SENP1: variants seen among roughly 807,000 people sequenced by gnomAD.
SENP1 encodes SUMO specific peptidase 1.
A neutral mutation model predicts 93.0 loss-of-function variants in SENP1; 21 were observed. That is an observed-to-expected ratio of 0.23 (90% CI 0.16 to 0.33). The LOEUF (loss-of-function observed/expected upper bound fraction) is 0.33, where lower values mean the gene tolerates loss of function less well. Ranked by LOEUF, SENP1 falls within the 10% of genes least tolerant of loss-of-function variation. The pLI, the probability that SENP1 is intolerant of heterozygous loss-of-function variation, is 1.00. For synonymous variants in SENP1, 256 were observed against 259.6 expected (o/e 0.99, Z 0.13); for missense variants, 591 against 758.7 (o/e 0.78, Z 2.60).
intron 4 of SENP1, among the ~76,000 whole-genome samples, chr12:48,090,542 G>A (rs1199335893): frequency 6.6e-6 from 1 of 152,194 alleles, no homozygotes; most frequent in East Asian, 1.9e-4. Flanking sequence ...GTGTTCTATT[G>A]CTGATGGGAT....
chr12:48,084,631 A>G (rs1328126394), intron 5 of SENP1, among the ~76,000 whole-genome samples: 1 of 151,954 alleles, frequency 6.6e-6, no homozygotes, highest in East Asian at 1.9e-4. Context: ...GTATTTTTGT[A>G]GAGACAGGGT....
At chr12:48,057,649 C>T (rs923800326) in intron 13 of SENP1, among the ~76,000 whole-genome samples, 1 of 149,734 alleles carries the variant, frequency 6.7e-6, no homozygotes, top group Non-Finnish European at 1.5e-5. Flanking sequence ...CTTGCTCTGT[C>T]ATCCAGGCTG....
chr12:48,078,285 T>C (rs940568775), intron 6 of SENP1, among the ~76,000 whole-genome samples: 1 of 117,234 alleles, frequency 8.5e-6, no homozygotes, highest in Non-Finnish European at 1.8e-5. Flanking sequence ...ACTGTATTCA[T>C]TTAATAGTTT....
At chr12:48,063,099 T>G (rs185555110) in intron 13 of SENP1, among the ~76,000 whole-genome samples, 2 of 152,290 alleles carry the variant, frequency 1.3e-5, no homozygotes, top group Non-Finnish European at 2.9e-5. Flanking sequence ...TAGGAACAGA[T>G]CAGTTTAAAA....
intron 13 of SENP1, among the ~76,000 whole-genome samples, chr12:48,053,480 GAAAAAAAA>G (rs56951392): frequency 5.0e-5 from 4 of 79,696 alleles, no homozygotes; most frequent in African/African-American, 1.7e-4. Context: ...CCTGTCTCAG[GAAAAAAAA>G]AAAAAAAAAA....
intron 5 of SENP1, among the ~76,000 whole-genome samples, chr12:48,085,715 C>CAAAAAA (rs200416260): frequency 9.5e-5 from 11 of 116,280 alleles, no homozygotes; most frequent in Non-Finnish European, 1.4e-4. Flanking sequence ...TTGCTTCTCT[C>CAAAAAA]AAAAAAAAAA....
At chr12:48,060,725 G>A (rs1214523020) in intron 13 of SENP1, among the ~76,000 whole-genome samples, 1 of 152,156 alleles carries the variant, frequency 6.6e-6, no homozygotes, top group Non-Finnish European at 1.5e-5. Context: ...TCGGATTACA[G>A]GCATGAGCCA....
Position 48,096,445 on chromosome 12 carries a change from T to C in SENP1, c.136-18A>G, listed in dbSNP as rs1412462884. On this transcript the variant is annotated intron_variant, in intron 3 of 17. Coordinates refer to ENST00000549518, the MANE Select transcript of SENP1 (RefSeq NM_001267594.2). Reference sequence around the variant, plus strand: ...GATAAAATCTAAACAAAGCAGAAGATTTTTCTTAAGTCACATTTTTTTTTT... The same window carrying C: ...GATAAAATCTAAACAAAGCAGAAGACTTTTCTTAAGTCACATTTTTTTTTT... 6.4e-7 allele frequency: 1 copy of C among 1,560,822 alleles called. No individual in the cohort carries two copies.
chr12:48,083,974 A>G (rs886171054), intron 5 of SENP1, among the ~76,000 whole-genome samples: 5 of 152,242 alleles, frequency 3.3e-5, no homozygotes, highest in Non-Finnish European at 7.3e-5. Context: ...TACATTGTCA[A>G]AATTATCAAA....
intron 13 of SENP1, among the ~76,000 whole-genome samples, chr12:48,053,045 G>T (rs1480044579): frequency 6.6e-6 from 1 of 152,112 alleles, no homozygotes; most frequent in Non-Finnish European, 1.5e-5. Flanking sequence ...TTGTCTGGTT[G>T]AACTTAATGT....
chr12:48,070,023 T>C (rs10875735), intron 9 of SENP1, among the ~76,000 whole-genome samples: 25,318 of 152,114 alleles, frequency 0.17, 2,436 homozygotes, highest in East Asian at 0.28. Context: ...ATAGTAATGG[T>C]TACTATGGAT....
rs868460359 is a variant in SENP1, at chr12:48,098,031, C to T, written c.98G>A (p.Gly33Asp). 20 of 1,613,832 alleles carry T rather than the reference C, an allele frequency of 1.2e-5. 1 individual carries two copies. Among genetic ancestry groups the T allele is most frequent in the African/African-American group, 1.2e-4 (9 of 75,050 alleles). ...AAGCGAAAGCTGGTCCTCTGGAAAA[C>T]CTGTTTGTGGCAGGAGGTGGGTTTT... ...VFKTHLLPQT[G>D]FPEDQLSLSD... The change falls in exon 3 of 18, where the codon GGT (glycine) becomes GAT (aspartate). Residue 33 changes from glycine (G) to aspartate (D), a missense_variant. Around this residue, in one of 4 missense-constraint regions of SENP1, gnomAD observed 214 missense variants for 243.4 expected, o/e 0.88. Transcript: ENST00000549518.
intron 4 of SENP1, among the ~76,000 whole-genome samples, chr12:48,094,405 C>T (rs1362748944): frequency 6.6e-6 from 1 of 151,608 alleles, no homozygotes; most frequent in African/African-American, 2.4e-5. Context: ...ATAGGCCAGG[C>T]ACAGTGGCTC....
At chr12:48,065,752 A>T in intron 10 of SENP1, 72 bp from the exon 11 acceptor site, 1 of 907,862 alleles carries the variant, frequency 1.1e-6, no homozygotes, top group Non-Finnish European at 1.7e-6. Flanking sequence ...ATGTACACTG[A>T]ATATTAAATA....
intron 2 of SENP1, 152 bp from the exon 3 acceptor site, chr12:48,098,276 G>T: frequency 2.9e-6 from 1 of 340,488 alleles, no homozygotes; most frequent in Non-Finnish European, 4.2e-6. Flanking sequence ...GAGGCAGGAG[G>T]ATTTTTTTGA....
rs1941169287 is a variant in SENP1 at position 48,043,894 on chromosome 12, A to G, written c.*1428T>C. ...GCCCAGGGAAAAAGCACAATGCTGG[A>G]AAGAATGCGGTACAACGGGAGAGGA... is the stretch of plus-strand genomic sequence containing the variant. On this transcript the variant is annotated 3_prime_UTR_variant, in exon 18 of 18. Transcript: ENST00000549518. The G allele has an allele frequency of 6.5e-6, 1 of 152,678 alleles. No individual in the cohort carries two copies. The highest frequency in any genetic ancestry group is 2.4e-5 in the African/African-American group (1 of 41,460). 9.5% of individuals were successfully genotyped at this position (152,678 alleles called of 1,614,324 possible).
At chr12:48,054,345 C>T (rs184702058) in intron 13 of SENP1, among the ~76,000 whole-genome samples, 265 of 152,282 alleles carry the variant, frequency 1.7e-3, no homozygotes, top group African/African-American at 6.2e-3. Context: ...GAACTGACCC[C>T]TTTATCATTA....
At chr12:48,070,031 G>C (rs1565768395) in intron 9 of SENP1, among the ~76,000 whole-genome samples, 1 of 152,096 alleles carries the variant, frequency 6.6e-6, no homozygotes, top group African/African-American at 2.4e-5. Context: ...GGTTACTATG[G>C]ATTACTATTA....
intron 1 of SENP1, among the ~76,000 whole-genome samples, chr12:48,103,586 T>C (rs1021270271): frequency 1.3e-5 from 2 of 152,236 alleles, no homozygotes; most frequent in African/African-American, 4.8e-5. Context: ...AGAAGGAATA[T>C]TTTACCCCAA....
Sources: gnomAD v4.1 joint callset for allele counts (sites outside exome capture counted in the v4.1 genomes callset) on GRCh38, gnomAD v4.1.1 for gene constraint, gnomAD v4.1.1 regional missense constraint, MANE v1.5 for transcripts, NCBI Gene and HGNC (gene_info 2026-07-23, HGNC 2026-07-21) for gene names.